Variants in BCKDK observed in about 807,000 individuals in gnomAD.
The protein encoded by BCKDK is branched chain keto acid dehydrogenase kinase, also known as branched-chain alpha-ketoacid dehydrogenase kinase.
Under a neutral mutation model 43.9 loss-of-function variants are expected in BCKDK, and 28 were observed. The observed-to-expected ratio is 0.64, with a 90% CI of 0.47 to 0.87. BCKDK has a LOEUF of 0.87. Ranked by LOEUF, BCKDK falls within the 40% of genes least tolerant of loss-of-function variation. The pLI is 0.00. For synonymous variants in BCKDK, 257 were observed against 234.3 expected, an observed-to-expected ratio of 1.10 and a Z score of -0.88; for missense variants, 483 against 581.4, an observed-to-expected ratio of 0.83 and a Z score of 1.74.
chr16:31,112,401 C>A lies in BCKDK; in HGVS notation c.*136C>A, dbSNP rs764492853. 2 of 1,399,822 alleles carry A rather than the reference C, an allele frequency of 1.4e-6. No individual in the cohort carries two copies. Among genetic ancestry groups the A allele is most frequent in the South Asian group, 1.2e-5 (1 of 82,950 alleles). The allele number at this position is 1,399,822 out of a possible 1,614,324, so 86.7% of individuals were successfully genotyped here. A position where few individuals can be genotyped will look rare whatever the true frequency, so the allele number is the denominator to read the frequency against. On this transcript the variant is annotated 3_prime_UTR_variant, in exon 12 of 12. Coordinates refer to ENST00000219794, the MANE Select transcript of BCKDK (RefSeq NM_005881.4). This position sits in a 1 kb window ranked among gnomAD's most constrained non-coding sequence, Gnocchi z 5.0. ...TCAGGGACCCAGACAGATGGACTTA[C>A]ATGGAGCTGGGCACTGCCCTGCCTC...
At chr16:31,111,537 G>T in intron 10 of BCKDK, 148 bp downstream of exon 10, 1 of 935,988 alleles carries the variant, frequency 1.1e-6, no homozygotes, top group Non-Finnish European at 1.6e-6. Context: ...TCCTGAGATG[G>T]CCATGAGCTG....
chr16:31,109,417 A>C lies in BCKDK; in HGVS notation c.194A>C (p.Lys65Thr), dbSNP rs754334031. Residue 65 changes from lysine to threonine, a missense_variant and splice_region_variant, in exon 2 of 12, where the codon AAG becomes ACG. Transcript: ENST00000219794. This position sits in a 1 kb window ranked among gnomAD's most constrained non-coding sequence, Gnocchi z 5.3. Reference protein sequence around the residue: ...NQSAIDAAAEKPSVRLTPTMM... With the variant: ...NQSAIDAAAETPSVRLTPTMM... ...TCGGCCATCGACGCGGCAGCGGAGA[A>C]GGTGCGCAAGGGGGCAGCCAGCCCA... The C allele has an allele frequency of 6.2e-7, 1 of 1,610,078 alleles. No homozygotes were observed. Among genetic ancestry groups the C allele is most frequent in the Admixed American group, 1.7e-5 (1 of 59,812 alleles).
At chr16:31,116,966 T>G (rs1596814856), downstream of BCKDK, among the ~76,000 whole-genome samples, 21 of 131,836 alleles carry the variant, frequency 1.6e-4, no homozygotes, top group Admixed American at 7.1e-4. Flanking sequence ...CCAGCGCGAG[T>G]GTGCGGCTCC....
downstream of BCKDK, among the ~76,000 whole-genome samples, chr16:31,116,061 G>A (rs570499663): frequency 8.7e-5 from 13 of 149,558 alleles, no homozygotes; most frequent in African/African-American, 2.9e-4. Context: ...ACAGGGGCCC[G>A]CCACCACGCC....
chr16:31,115,094 T>C (rs1245631326), downstream of BCKDK, among the ~76,000 whole-genome samples: 1 of 151,836 alleles, frequency 6.6e-6, no homozygotes, highest in African/African-American at 2.4e-5. Flanking sequence ...CTGACTGTTT[T>C]GTATTTTCAG....
chr16:31,115,178 C>A (rs1442455105), downstream of BCKDK, among the ~76,000 whole-genome samples: 1 of 151,610 alleles, frequency 6.6e-6, no homozygotes, highest in African/African-American at 2.4e-5. Flanking sequence ...CTGCTTCGGC[C>A]TCCCAAAGTG....
chr16:31,114,291 C>CA (rs72430493), downstream of BCKDK, among the ~76,000 whole-genome samples: 1 of 32,804 alleles, frequency 3.0e-5, no homozygotes, highest in South Asian at 4.5e-3. Flanking sequence ...CTCCGCCCCA[C>CA]CCCCCCCCAA....
rs768262297 is a variant in BCKDK, at chr16:31,110,382, G to GT, written c.544-19_544-18insT. 1.1e-5 allele frequency: 17 copies of GT among 1,613,918 alleles called. No individual in the cohort carries two copies. In the Admixed American group the frequency reaches 2.8e-4, roughly 27 times the overall value. ...GGGGGTGGGAAGGGCACGGGATTCT[G>GT]AGACCTCACTCTTTACAGGATGAAA... is the stretch of plus-strand genomic sequence containing the variant. On this transcript the variant is annotated intron_variant, in intron 6 of 11. Coordinates refer to ENST00000219794, the MANE Select transcript of BCKDK (RefSeq NM_005881.4). This position sits in a 1 kb window ranked among gnomAD's most constrained non-coding sequence, Gnocchi z 5.4.
intron 10 of BCKDK, 60 bp from the exon 11 acceptor site, chr16:31,111,809 G>T (rs569914362): frequency 1.3e-4 from 205 of 1,596,946 alleles, no homozygotes; most frequent in Non-Finnish European, 1.7e-4. Context: ...TGTCTGCTTG[G>T]GGGGTGGTGA....
downstream of BCKDK, among the ~76,000 whole-genome samples, chr16:31,116,928 A>AGGGGGGGG (rs761173212): frequency 7.3e-5 from 2 of 27,278 alleles, no homozygotes; most frequent in Non-Finnish European, 1.6e-4. Flanking sequence ...AAAAAAAAAA[A>AGGGGGGGG]GGGGGGGGGG....
At chr16:31,114,204 C>T (rs538524649), downstream of BCKDK, among the ~76,000 whole-genome samples, 97 of 151,798 alleles carry the variant, frequency 6.4e-4, 1 homozygote, top group East Asian at 2.3e-3. Context: ...TGTTTTGTTT[C>T]GTTTTGTTTT....
At chr16:31,114,224 A>C (rs774666348), downstream of BCKDK, among the ~76,000 whole-genome samples, 27 of 151,554 alleles carry the variant, frequency 1.8e-4, no homozygotes, top group Non-Finnish European at 3.7e-4. Flanking sequence ...TTTTAAACGG[A>C]GTCTCAATCT....
downstream of BCKDK, chr16:31,117,363 CG>C (rs2057453599): frequency 1.5e-5 from 1 of 67,824 alleles, no homozygotes; most frequent in African/African-American, 5.5e-5. Flanking sequence ...AGCATGATTC[CG>C]TCTCAAAATA....
At chr16:31,114,589 G>T, downstream of BCKDK, among the ~76,000 whole-genome samples, 1 of 152,078 alleles carries the variant, frequency 6.6e-6, no homozygotes, top group Non-Finnish European at 1.5e-5. Flanking sequence ...TTGTTTCCAA[G>T]CCCAATAACC....
At position 31,109,819 on chromosome 16, in the gene BCKDK, C is replaced by G. The variant is rs757332822; in HGVS notation, c.375+36C>G. 1.2e-6 allele frequency: 2 copies of G among 1,601,080 alleles called. No homozygotes were observed. Among genetic ancestry groups the G allele is most frequent in the Admixed American group, 1.7e-5 (1 of 59,838 alleles). ...GAGGACCTTAGGTCAGCGGGCCACC[C>G]TGCCCCGGGGGCAAGTGGGGAGTCT... is the stretch of plus-strand genomic sequence containing the variant. On this transcript the variant is annotated intron_variant, in intron 4 of 11. Transcript: ENST00000219794. The surrounding 1 kb of genome is among the most constrained non-coding windows in gnomAD (Gnocchi z 5.3).
Position 31,109,134 on chromosome 16 carries a change from C to T in BCKDK, c.-90C>T. The stretch of plus-strand genomic sequence containing the variant: ...TCGGAGAAGAGCCCCTACCCACCCA[C>T]ACCCCCTTGCCCCATTTTGGGTCGC... On this transcript the variant is annotated 5_prime_UTR_variant, in exon 2 of 12. Transcript: ENST00000219794. The surrounding 1 kb of genome is among the most constrained non-coding windows in gnomAD (Gnocchi z 5.3). 2 of 1,205,148 alleles carry T rather than the reference C, an allele frequency of 1.7e-6. No individual in the cohort carries two copies. The highest frequency in any genetic ancestry group is 2.2e-6 in the Non-Finnish European group (2 of 908,394). 74.7% of individuals were successfully genotyped at this position (1,205,148 alleles called of 1,614,324 possible). A position where few individuals can be genotyped will look rare whatever the true frequency, so the allele number is the denominator to read the frequency against.
downstream of BCKDK, among the ~76,000 whole-genome samples, chr16:31,116,639 GGGCACGGT>G (rs1000654361): frequency 3.3e-5 from 5 of 151,736 alleles, no homozygotes; most frequent in Non-Finnish European, 5.9e-5. Context: ...GGCACTGGCT[GGGCACGGT>G]GGCTCACGCC....
At position 31,111,943 on chromosome 16, in the gene BCKDK, A is replaced by G. The variant is rs199838222; in HGVS notation, c.1010A>G (p.Glu337Gly). 3 of 1,614,144 alleles carry G rather than the reference A, an allele frequency of 1.9e-6. No homozygotes were observed. Among genetic ancestry groups the G allele is most frequent in the Non-Finnish European group, 2.5e-6 (3 of 1,180,024 alleles). Residue 337 changes from glutamate (E) to glycine (G), a missense_variant, in exon 11 of 12, where the codon GAG becomes GGG. Glu to Gly is a moderately conservative substitution (Grantham distance 98). Coordinates refer to ENST00000219794, the MANE Select transcript of BCKDK (RefSeq NM_005881.4). ...ATGGACTACCACTTCACTACTGCTGAGGCCAGCACACAGGACCCCCGGATC... is the reference window on the plus strand; with the variant it reads ...ATGGACTACCACTTCACTACTGCTGGGGCCAGCACACAGGACCCCCGGATC... ...RVMDYHFTTA[E>G]ASTQDPRISP...
Position 31,110,281 on chromosome 16 carries a change from C to T in BCKDK, c.500C>T (p.Thr167Ile). Residue 167 changes from threonine to isoleucine, a missense_variant, in exon 6 of 12, where the codon ACC becomes ATC. By Grantham distance (89) the Thr-to-Ile change is moderately conservative. Transcript: ENST00000219794. This position sits in a 1 kb window ranked among gnomAD's most constrained non-coding sequence, Gnocchi z 5.4. ...CTGGATGACCACAAGGATGTGGTGA[C>T]CCTCTTGGCAGAGGGCCTACGTGAG... ...QLLDDHKDVV[T>I]LLAEGLRESR... The T allele has an allele frequency of 6.2e-7, 1 of 1,614,050 alleles. No individual in the cohort carries two copies. Among genetic ancestry groups the T allele is most frequent in the South Asian group, 1.1e-5 (1 of 91,078 alleles).
Sources: gnomAD v4.1 joint callset for allele counts (sites outside exome capture counted in the v4.1 genomes callset) on GRCh38, gnomAD v4.1.1 for gene constraint, Gnocchi (gnomAD v3.1) non-coding constraint, MANE v1.5 for transcripts, NCBI Gene and HGNC (gene_info 2026-07-23, HGNC 2026-07-21) for gene names.